Variants in CACNB2 observed in about 807,000 individuals in gnomAD.
CACNB2 encodes voltage-dependent L-type calcium channel subunit beta-2.
A neutral mutation model predicts 73.3 loss-of-function variants in CACNB2; 42 were observed. The observed-to-expected ratio is 0.57, with a 90% CI of 0.45 to 0.74. CACNB2 has a LOEUF of 0.74. Among genes scored for constraint, CACNB2 ranks in the 30% least tolerant of loss-of-function variants. The pLI is 0.00. For missense variants in CACNB2, 940 were observed against 853.0 expected (o/e 1.10, Z -1.27); for synonymous variants, 348 against 310.3 (o/e 1.12, Z -1.28).
intron 2 of CACNB2, among the ~76,000 whole-genome samples, chr10:18,156,100 C>G (rs2032028397): frequency 6.6e-6 from 1 of 151,924 alleles, no homozygotes; most frequent in Non-Finnish European, 1.5e-5. Flanking sequence ...GTAACATCAG[C>G]AGAAAAAGGC....
intron 10 of CACNB2, chr10:18,531,930 G>A (rs1397505303): frequency 6.6e-6 from 1 of 152,216 alleles, no homozygotes; most frequent in African/African-American, 2.4e-5. Flanking sequence ...TCTTCAAGAT[G>A]CTGAGCTGCA....
chr10:18,527,774 A>G, intron 10 of CACNB2, 77 bp downstream of exon 10: 1 of 922,274 alleles, frequency 1.1e-6, no homozygotes, highest in Non-Finnish European at 1.8e-6. Flanking sequence ...TAACAAGATG[A>G]TAATTCCATG....
chr10:18,431,180 G>T (rs34195643), intron 3 of CACNB2, among the ~76,000 whole-genome samples: 1 of 152,036 alleles, frequency 6.6e-6, no homozygotes, highest in African/African-American at 2.4e-5. Context: ...ATGGGGTCTC[G>T]GTGTGTTGCA....
intron 5 of CACNB2, among the ~76,000 whole-genome samples, chr10:18,504,017 C>A (rs2050352049): frequency 6.6e-6 from 1 of 152,126 alleles, no homozygotes; most frequent in Non-Finnish European, 1.5e-5. Context: ...CAGAGGCAGG[C>A]TTGTGTGTCT....
chr10:18,498,212 C>T (rs1213134606), intron 3 of CACNB2, 143 bp from the exon 4 acceptor site: 2 of 957,620 alleles, frequency 2.1e-6, no homozygotes, highest in Admixed American at 2.0e-5. Flanking sequence ...TACGAACAAG[C>T]TGTTTTGTGA....
At chr10:18,193,581 T>C (rs1041648811) in intron 2 of CACNB2, among the ~76,000 whole-genome samples, 3 of 152,132 alleles carry the variant, frequency 2.0e-5, no homozygotes, top group Non-Finnish European at 4.4e-5. Flanking sequence ...AACCCAAGGC[T>C]TTACTCTCTT....
At chr10:18,251,743 C>A (rs779858585) in intron 2 of CACNB2, among the ~76,000 whole-genome samples, 1 of 152,194 alleles carries the variant, frequency 6.6e-6, no homozygotes, top group Admixed American at 6.5e-5. Context: ...GAAGGGGAAG[C>A]AACCACATCT....
intron 2 of CACNB2, among the ~76,000 whole-genome samples, chr10:18,245,446 G>C (rs1284537145): frequency 1.3e-5 from 2 of 152,024 alleles, no homozygotes; most frequent in African/African-American, 4.8e-5. Flanking sequence ...TCAGGCTCTT[G>C]AGTGGCTGGG....
intron 2 of CACNB2, among the ~76,000 whole-genome samples, chr10:18,290,092 TTTTTTTC>T: frequency 2.0e-5 from 3 of 148,544 alleles, no homozygotes; most frequent in South Asian, 2.1e-4. Context: ...CTCTTTAAAG[TTTTTTTC>T]TTTTTTCTTT....
chr10:18,208,969 CTG>C, intron 2 of CACNB2, among the ~76,000 whole-genome samples: 1 of 152,252 alleles, frequency 6.6e-6, no homozygotes, highest in South Asian at 2.1e-4. Context: ...CATTTGATGA[CTG>C]TAAAATCGCT....
intron 2 of CACNB2, among the ~76,000 whole-genome samples, chr10:18,201,722 A>G (rs1278985865): frequency 6.6e-6 from 1 of 152,176 alleles, no homozygotes; most frequent in African/African-American, 2.4e-5. Context: ...AATATTCAAT[A>G]TCTCCTCTTC....
chr10:18,263,962 G>A lies in CACNB2; in HGVS notation c.213+112987G>A, dbSNP rs115661014. Among the ~76,000 whole-genome samples the A allele has an allele frequency of 4.2e-3, 632 of 152,252 alleles. 2 individuals are homozygous for A. The highest frequency in any genetic ancestry group is 0.015 in the African/African-American group (603 of 41,550). On this transcript the variant is annotated intron_variant, in intron 2 of 13. Coordinates refer to ENST00000324631, the MANE Select transcript of CACNB2 (RefSeq NM_201596.3). The stretch of plus-strand genomic sequence containing the variant: ...CATCATTCTTTTAGAACTCAGCTTC[G>A]CAGCTCAGAAGTAATTCCTGTGTTT...
At chr10:18,150,462 G>C (rs186525262) in intron 1 of CACNB2, among the ~76,000 whole-genome samples, 3 of 152,156 alleles carry the variant, frequency 2.0e-5, no homozygotes, top group Non-Finnish European at 2.9e-5. Context: ...TTGGGAGTTC[G>C]AGACCACCCT....
intron 2 of CACNB2, among the ~76,000 whole-genome samples, chr10:18,173,922 C>T (rs1187759151): frequency 6.6e-6 from 1 of 152,102 alleles, no homozygotes; most frequent in East Asian, 1.9e-4. Flanking sequence ...TTCAGGGAAA[C>T]TGGTGGTAAA....
At chr10:18,383,907 T>A (rs999923957) in intron 2 of CACNB2, among the ~76,000 whole-genome samples, 8 of 152,002 alleles carry the variant, frequency 5.3e-5, no homozygotes, top group Non-Finnish European at 1.2e-4. Flanking sequence ...GATTTCACTA[T>A]GTTGGTCAAG....
chr10:18,450,657 C>G (rs1470019751), intron 3 of CACNB2, among the ~76,000 whole-genome samples: 6 of 139,620 alleles, frequency 4.3e-5, no homozygotes, highest in Admixed American at 1.5e-4. Context: ...GAGTCTAACT[C>G]TGTCACTCAG....
intron 2 of CACNB2, among the ~76,000 whole-genome samples, chr10:18,229,723 T>A (rs1160295436): frequency 6.6e-6 from 1 of 152,166 alleles, no homozygotes; most frequent in African/African-American, 2.4e-5. Context: ...AGCTATAGAT[T>A]CATATATTTA....
chr10:18,376,373 T>G lies in CACNB2; in HGVS notation c.214-25551T>G, dbSNP rs970556349. Among the ~76,000 whole-genome samples the G allele has an allele frequency of 3.9e-5, 6 of 152,094 alleles. No individual in the cohort carries two copies. In the East Asian group the frequency reaches 9.7e-4, roughly 25 times the overall value. ...GGAAAGGTTGTGGTAGGGGCAGGCA[T>G]TGGGGGACAAGGGGATGGTTAATGG... On this transcript the variant is annotated intron_variant, in intron 2 of 13. Coordinates refer to ENST00000324631, the MANE Select transcript of CACNB2 (RefSeq NM_201596.3).
At chr10:18,392,375 G>A (rs2043518930) in intron 2 of CACNB2, among the ~76,000 whole-genome samples, 2 of 152,300 alleles carry the variant, frequency 1.3e-5, no homozygotes, top group Admixed American at 1.3e-4. Flanking sequence ...GATTGCTGGA[G>A]TAAGATGAGC....
Sources: allele counts gnomAD v4.1 joint callset (sites outside exome capture counted in the v4.1 genomes callset), GRCh38; gene constraint gnomAD v4.1.1; transcripts MANE v1.5; gene names NCBI Gene and HGNC (gene_info 2026-07-23, HGNC 2026-07-21).